CCDC81: variants seen among roughly 807,000 people sequenced by gnomAD.
CCDC81 encodes coiled-coil domain containing 81.
In CCDC81, 79 loss-of-function variants were observed where a neutral mutation model predicts 83.7. The ratio of observed to expected loss-of-function variants is 0.94; its 90% CI spans 0.79 to 1.14. CCDC81 has a LOEUF of 1.14. CCDC81 is among the 50% of genes most tolerant of loss of function. The probability of loss-of-function intolerance (pLI) is 0.00; values close to 1 mark genes in which losing one functional copy is unlikely to be tolerated. For missense variants in CCDC81, 791 were observed against 778.1 expected, an observed-to-expected ratio of 1.02 and a Z score of -0.20; for synonymous variants, 252 against 278.1, an observed-to-expected ratio of 0.91 and a Z score of 0.93.
intron 7 of CCDC81, among the ~76,000 whole-genome samples, chr11:86,406,603 G>C (rs956555011): frequency 6.6e-6 from 1 of 152,078 alleles, no homozygotes; most frequent in Non-Finnish European, 1.5e-5. Context: ...TCAGGAGTCC[G>C]AGACCAGCCT....
At chr11:86,420,091 T>G in intron 14 of CCDC81, 38 bp downstream of exon 14, 1 of 1,599,076 alleles carries the variant, frequency 6.3e-7, no homozygotes, top group Non-Finnish European at 8.5e-7. Context: ...CTCCTGCTCC[T>G]TGTGGGACAG....
intron 7 of CCDC81, among the ~76,000 whole-genome samples, chr11:86,405,672 C>T (rs1156747879): frequency 6.6e-6 from 1 of 151,836 alleles, no homozygotes. Flanking sequence ...AACTTTTGTT[C>T]CAATTTGGTT....
chr11:86,405,812 G>T lies in CCDC81; in HGVS notation c.882-1802G>T, dbSNP rs145759617. Among the ~76,000 whole-genome samples, 785 of 148,308 alleles carry T rather than the reference G, an allele frequency of 5.3e-3. 3 individuals carry two copies. Among genetic ancestry groups the T allele is most frequent in the Middle Eastern group, 0.011 (3 of 282 alleles). On this transcript the variant is annotated intron_variant, in intron 7 of 14. Coordinates refer to ENST00000445632, the MANE Select transcript of CCDC81 (RefSeq NM_001156474.2). ...TTTTTTTTTTTTTTTGCCCAGGCTG[G>T]AGCGCAGTGGCGTGATCTTGGCTCA... is the stretch of plus-strand genomic sequence containing the variant.
intron 1 of CCDC81, among the ~76,000 whole-genome samples, chr11:86,376,677 AG>A (rs1297506887): frequency 6.6e-6 from 1 of 152,216 alleles, no homozygotes; most frequent in African/African-American, 2.4e-5. Flanking sequence ...GGGGAAACAA[AG>A]CCTAACCATA....
intron 10 of CCDC81, among the ~76,000 whole-genome samples, chr11:86,410,177 T>C (rs1219996420): frequency 1.3e-5 from 2 of 152,240 alleles, no homozygotes; most frequent in Non-Finnish European, 2.9e-5. Flanking sequence ...TCAATCATCA[T>C]GTGCCTACCT....
Position 86,417,687 on chromosome 11 carries a change from A to G in CCDC81, c.1692-2241A>G, listed in dbSNP as rs77241302. Among the ~76,000 whole-genome samples, 716 of 152,016 alleles carry G rather than the reference A, an allele frequency of 4.7e-3. 5 individuals carry two copies. Among genetic ancestry groups the G allele is most frequent in the African/African-American group, 0.016 (682 of 41,484 alleles). ...TTTTTATACTGGTTCTTTTGTTTCT[A>G]TCAGATAAATTCCCAAAAGTGGGGC... is the stretch of plus-strand genomic sequence containing the variant. On this transcript the variant is annotated intron_variant, in intron 13 of 14. Transcript: ENST00000445632.
intron 3 of CCDC81, among the ~76,000 whole-genome samples, chr11:86,388,192 T>TCCTCCTTCCCTCCTTC (rs778997381): frequency 4.0e-4 from 51 of 127,150 alleles, no homozygotes; most frequent in African/African-American, 1.6e-3. Flanking sequence ...CTCCCTCCTT[T>TCCTCCTTCCCTCCTTC]CCTCCTTCCC....
At chr11:86,414,317 T>C (rs1948685960) in intron 11 of CCDC81, 1 of 154,604 alleles carries the variant, frequency 6.5e-6, no homozygotes, top group African/African-American at 2.4e-5. Flanking sequence ...GGAATTTTTT[T>C]TTTTTTTTAG....
At chr11:86,383,020 G>A (rs980954915) in intron 1 of CCDC81, among the ~76,000 whole-genome samples, 1 of 152,156 alleles carries the variant, frequency 6.6e-6, no homozygotes, top group African/African-American at 2.4e-5. Context: ...CAAGGATGAA[G>A]ATAAACTTCA....
At chr11:86,392,850 C>T (rs770574860) in intron 4 of CCDC81, 53 bp downstream of exon 4, 5 of 1,499,826 alleles carry the variant, frequency 3.3e-6, no homozygotes, top group Admixed American at 2.4e-5. Context: ...GGTTCTGACT[C>T]ATCTATAGGT....
At chr11:86,413,782 T>C (rs764044896) in intron 11 of CCDC81, among the ~76,000 whole-genome samples, 3 of 152,166 alleles carry the variant, frequency 2.0e-5, no homozygotes, top group Non-Finnish European at 4.4e-5. Flanking sequence ...CCATGGAACC[T>C]GAGGGCAGGA....
Position 86,407,625 on chromosome 11 carries a change from C to A in CCDC81, c.893C>A (p.Pro298Gln). 6.2e-7 allele frequency: 1 copy of A among 1,611,724 alleles called. No individual in the cohort carries two copies. The highest frequency in any genetic ancestry group is 8.5e-7 in the Non-Finnish European group (1 of 1,178,254). ...KIMTPESLSY[P>Q]SCLKHDSEMK... The stretch of plus-strand genomic sequence containing the variant: ...CATTGTTTTTATAGCTTATCATATC[C>A]AAGTTGTCTGAAACACGACAGTGAG... The change falls in exon 8 of 15, where the codon CCA becomes CAA. Residue 298 changes from proline (P) to glutamine (Q), a missense_variant. By Grantham distance (76) the Pro-to-Gln change is moderately conservative. Coordinates refer to ENST00000445632, the MANE Select transcript of CCDC81 (RefSeq NM_001156474.2).
chr11:86,416,680 T>C (rs936853534), intron 13 of CCDC81, among the ~76,000 whole-genome samples: 1 of 152,216 alleles, frequency 6.6e-6, no homozygotes, highest in African/African-American at 2.4e-5. Flanking sequence ...TGTTTCTGTA[T>C]TGGTCAGATC....
intron 3 of CCDC81, 70 bp downstream of exon 3, chr11:86,387,742 A>G: frequency 3.7e-6 from 4 of 1,077,246 alleles, no homozygotes; most frequent in Non-Finnish European, 4.1e-6. Flanking sequence ...GAAAGGGCAA[A>G]GCGTAGCCAG....
At chr11:86,417,891 G>A (rs1197143407) in intron 13 of CCDC81, among the ~76,000 whole-genome samples, 2 of 151,996 alleles carry the variant, frequency 1.3e-5, no homozygotes, top group Admixed American at 6.6e-5. Flanking sequence ...GGGACTACAG[G>A]TGCATGCCAC....
At chr11:86,378,813 C>T (rs1948133881) in intron 1 of CCDC81, among the ~76,000 whole-genome samples, 1 of 152,064 alleles carries the variant, frequency 6.6e-6, no homozygotes, top group Non-Finnish European at 1.5e-5. Context: ...TATTATCATG[C>T]TGTATTTTCC....
intron 1 of CCDC81, among the ~76,000 whole-genome samples, chr11:86,384,042 A>G (rs1036200926): frequency 6.6e-6 from 1 of 152,176 alleles, no homozygotes; most frequent in African/African-American, 2.4e-5. Flanking sequence ...GTTGCAAACT[A>G]TACACTTTCT....
chr11:86,416,899 TC>T (rs1454782707), intron 13 of CCDC81, among the ~76,000 whole-genome samples: 2 of 152,336 alleles, frequency 1.3e-5, no homozygotes, highest in East Asian at 3.9e-4. Flanking sequence ...TTGTTTTTTT[TC>T]TTTTTGCTCT....
chr11:86,381,678 C>T (rs1011973697), intron 1 of CCDC81, among the ~76,000 whole-genome samples: 10 of 152,280 alleles, frequency 6.6e-5, no homozygotes, highest in Admixed American at 5.2e-4. Flanking sequence ...CTGTGTCCTC[C>T]CTCATCTTAT....
Sources: gnomAD v4.1 joint callset for allele counts (sites outside exome capture counted in the v4.1 genomes callset) on GRCh38, gnomAD v4.1.1 for gene constraint, MANE v1.5 for transcripts, NCBI Gene and HGNC (gene_info 2026-07-23, HGNC 2026-07-21) for gene names.